The following ZRANB3 variants were observed in gnomAD, a reference collection of about 807,000 sequenced individuals.
ZRANB3 encodes zinc finger RANBP2-type containing 3.
ZRANB3 carries 125 observed loss-of-function variants against 133.8 expected under a neutral mutation model. The ratio of observed to expected loss-of-function variants is 0.93; its 90% CI spans 0.81 to 1.08. The LOEUF (loss-of-function observed/expected upper bound fraction) is 1.08, where lower values mean the gene tolerates loss of function less well. Ranked by LOEUF, ZRANB3 falls within the 50% of genes least tolerant of loss-of-function variation. The pLI is 0.00. For synonymous variants in ZRANB3, 387 were observed against 432.7 expected (o/e 0.89, Z 1.31); for missense variants, 1,229 against 1,275.5 (o/e 0.96, Z 0.56).
At chr2:135,511,298 A>C in intron 1 of ZRANB3, 1 of 966,558 alleles carries the variant, frequency 1.0e-6, no homozygotes, top group Non-Finnish European at 1.7e-6. Context: ...ATACTAGCTC[A>C]GACTTTTCCT....
chr2:135,344,567 C>T (rs1042783677), intron 6 of ZRANB3, among the ~76,000 whole-genome samples: 2 of 152,112 alleles, frequency 1.3e-5, no homozygotes, highest in African/African-American at 2.4e-5. Context: ...GAAACCCCAT[C>T]TCTAGTAAAA....
intron 3 of ZRANB3, among the ~76,000 whole-genome samples, chr2:135,379,956 A>G (rs1028474149): frequency 1.3e-5 from 2 of 152,168 alleles, no homozygotes; most frequent in Non-Finnish European, 2.9e-5. Flanking sequence ...AAATAAAGGG[A>G]TGGAGGAAGA....
intron 12 of ZRANB3, among the ~76,000 whole-genome samples, chr2:135,240,354 T>G (rs1695499537): frequency 6.6e-6 from 1 of 152,120 alleles, no homozygotes. Context: ...GAATTAAACA[T>G]TTAAAGAAAA....
At chr2:135,271,207 T>C (rs1014450793) in intron 10 of ZRANB3, 4 of 410,748 alleles carry the variant, frequency 9.7e-6, no homozygotes, top group African/African-American at 8.3e-5. Flanking sequence ...CTAAGGACTT[T>C]GTGCAAACAT....
In ZRANB3 at chr2:135,395,342, CA is replaced by C. The variant is rs370405825; in HGVS notation, c.162-4523del. Among the ~76,000 whole-genome samples the C allele has an allele frequency of 2.2e-4, 34 of 151,636 alleles. 1 individual carries two copies. The East Asian group carries it at 5.0e-3, about 22-fold the overall frequency. ...CTCTCACCGTAAACAAAAATCAAAT[CA>C]AAATGGATTAAAGACTTAAATCTAA... is the stretch of plus-strand genomic sequence containing the variant. On this transcript the variant is annotated intron_variant, in intron 2 of 20. Coordinates refer to ENST00000264159, the MANE Select transcript of ZRANB3 (RefSeq NM_032143.4).
intron 2 of ZRANB3, among the ~76,000 whole-genome samples, chr2:135,443,580 A>T (rs934246688): frequency 1.3e-5 from 2 of 152,222 alleles, no homozygotes; most frequent in African/African-American, 4.8e-5. Flanking sequence ...CATTTGTTTA[A>T]CACAAAAGAA....
At chr2:135,518,245 A>G (rs981902718) in intron 1 of ZRANB3, among the ~76,000 whole-genome samples, 2 of 152,002 alleles carry the variant, frequency 1.3e-5, no homozygotes, top group East Asian at 3.9e-4. Flanking sequence ...CCCTAGCTTC[A>G]GCCCCCTTTC....
intron 12 of ZRANB3, among the ~76,000 whole-genome samples, chr2:135,257,057 G>A (rs751975806): frequency 6.6e-6 from 1 of 152,206 alleles, no homozygotes; most frequent in Non-Finnish European, 1.5e-5. Context: ...TTCAGTTCCA[G>A]GAACTTGCAA....
chr2:135,244,535 G>A (rs1286577336), intron 12 of ZRANB3, among the ~76,000 whole-genome samples: 2 of 152,064 alleles, frequency 1.3e-5, no homozygotes, highest in Middle Eastern at 3.2e-3. Flanking sequence ...TTGAACCCAG[G>A]AAGTGGAGGT....
chr2:135,387,834 A>C (rs932991613), intron 3 of ZRANB3, among the ~76,000 whole-genome samples: 1 of 152,224 alleles, frequency 6.6e-6, no homozygotes, highest in East Asian at 1.9e-4. Flanking sequence ...GAATCAGCCA[A>C]ATGTGAAAAG....
intron 2 of ZRANB3, among the ~76,000 whole-genome samples, chr2:135,456,679 C>G (rs1690533218): frequency 6.6e-6 from 1 of 152,166 alleles, no homozygotes; most frequent in African/African-American, 2.4e-5. Context: ...GCCACACTTA[C>G]TGATTCATCT....
chr2:135,354,010 T>G (rs1685324807), intron 3 of ZRANB3, among the ~76,000 whole-genome samples: 1 of 151,970 alleles, frequency 6.6e-6, no homozygotes, highest in Non-Finnish European at 1.5e-5. Context: ...TAAAAAAAAA[T>G]GTATTATCAA....
chr2:135,401,755 G>A (rs902471030), intron 2 of ZRANB3, among the ~76,000 whole-genome samples: 2 of 152,094 alleles, frequency 1.3e-5, no homozygotes, highest in African/African-American at 2.4e-5. Flanking sequence ...AGATTGGAAA[G>A]GTGTGGCTCT....
intron 2 of ZRANB3, among the ~76,000 whole-genome samples, chr2:135,485,583 G>A (rs950388813): frequency 1.3e-5 from 2 of 152,090 alleles, no homozygotes; most frequent in African/African-American, 2.4e-5. Context: ...CATAAACATG[G>A]CATTTAATCT....
chr2:135,322,288 T>C (rs1286636333), intron 6 of ZRANB3, among the ~76,000 whole-genome samples: 3 of 152,228 alleles, frequency 2.0e-5, no homozygotes, highest in African/African-American at 7.2e-5. Flanking sequence ...TTTCTTCTTT[T>C]TCAAAGTTCT....
At position 135,227,837 on chromosome 2, in the gene ZRANB3, G is replaced by A. The variant is rs564509700; in HGVS notation, c.2133C>T (p.Asp711=). ...CATTACCTGGCTGGGATGTAAGTCC[G>A]TCTTCTTTCTCAATTTTTGGTGTTT... ...KEETPKIEKE[D]GLTSQPGNEQ... The change falls in exon 14 of 21, where the codon GAC becomes GAT. Residue 711 remains aspartate (D), a synonymous_variant. Transcript: ENST00000264159. 86 of 1,576,512 alleles carry A rather than the reference G, an allele frequency of 5.5e-5. No individual in the cohort carries two copies. In the East Asian group the frequency reaches 1.2e-3, roughly 22 times the overall value.
intron 2 of ZRANB3, among the ~76,000 whole-genome samples, chr2:135,462,635 C>T (rs1356660335): frequency 1.3e-5 from 2 of 150,838 alleles, no homozygotes; most frequent in Non-Finnish European, 3.0e-5. Context: ...CTCTTTTGCC[C>T]AGGCTGGAGT....
intron 9 of ZRANB3, among the ~76,000 whole-genome samples, chr2:135,272,221 T>C (rs1341756976): frequency 6.6e-6 from 1 of 152,216 alleles, no homozygotes; most frequent in Non-Finnish European, 1.5e-5. Context: ...AGTAAAATTC[T>C]ACGTAAATTG....
intron 1 of ZRANB3, among the ~76,000 whole-genome samples, chr2:135,530,306 G>C (rs1464999267): frequency 6.6e-6 from 1 of 152,124 alleles, no homozygotes; most frequent in Non-Finnish European, 1.5e-5. Flanking sequence ...AAAGGCAGTA[G>C]AGGTACTTTC....
Sources: allele counts gnomAD v4.1 joint callset (sites outside exome capture counted in the v4.1 genomes callset), GRCh38; gene constraint gnomAD v4.1.1; transcripts MANE v1.5; gene names NCBI Gene and HGNC (gene_info 2026-07-23, HGNC 2026-07-21).